The following DYRK4 variants were observed in gnomAD, a reference collection of about 807,000 sequenced individuals.
DYRK4 encodes dual specificity tyrosine-phosphorylation-regulated kinase 4.
In DYRK4, 64 loss-of-function variants were observed where a neutral mutation model predicts 68.3. The observed-to-expected ratio is 0.94, with a 90% CI of 0.77 to 1.15. The LOEUF (loss-of-function observed/expected upper bound fraction) is 1.15, where lower values mean the gene tolerates loss of function less well. Ranked by LOEUF, DYRK4 falls within the 50% of genes most tolerant of loss-of-function variation. DYRK4 has a pLI of 0.00. For missense variants in DYRK4, 740 were observed against 764.7 expected (o/e 0.97, Z 0.38); for synonymous variants, 274 against 289.9 (o/e 0.95, Z 0.56).
intron 2 of DYRK4, among the ~76,000 whole-genome samples, chr12:4,577,934 C>T (rs779887395): frequency 1.3e-5 from 2 of 152,126 alleles, no homozygotes; most frequent in Non-Finnish European, 2.9e-5. Context: ...TCCAATGGTT[C>T]ATTTCTGTAT....
intron 2 of DYRK4, among the ~76,000 whole-genome samples, chr12:4,575,298 A>ATTTTTTGTGTGTGTGTGTGTGT (rs562026104): frequency 2.8e-5 from 4 of 144,090 alleles, no homozygotes; most frequent in Admixed American, 6.8e-5. Flanking sequence ...ACAATAACTT[A>ATTTTTTGTGTGTGTGTGTGTGT]CTGTGTGTGT....
In DYRK4 at chr12:4,613,439, G is replaced by A; in HGVS notation, c.1667-76G>A. ...ACGGTCATCGTTTCCACTAAGTGAT[G>A]TACAACCTAAAGGACAATTAACATA... On this transcript the variant is annotated intron_variant, in intron 14 of 14. Transcript: ENST00000543431. This position sits in a 1 kb window ranked among gnomAD's most constrained non-coding sequence, Gnocchi z 4.0. 1 of 1,519,076 alleles carries A rather than the reference G, an allele frequency of 6.6e-7. No homozygotes were observed. Among genetic ancestry groups the A allele is most frequent in the East Asian group, 2.3e-5 (1 of 43,858 alleles). The allele number at this position is 1,519,076 out of a possible 1,614,324, so 94.1% of individuals were successfully genotyped here.
rs761636641 is a variant in DYRK4 at position 4,613,643 on chromosome 12, G to A, written c.1795G>A (p.Ala599Thr). 26 of 1,613,742 alleles carry A rather than the reference G, an allele frequency of 1.6e-5. No homozygotes were observed. The highest frequency in any genetic ancestry group is 2.2e-5 in the East Asian group (1 of 44,874). Residue 599 changes from alanine (A) to threonine (T), a missense_variant, in exon 15 of 15, where the codon GCT (alanine) becomes ACT (threonine). Coordinates refer to ENST00000543431, the MANE Select transcript of DYRK4 (RefSeq NM_001394779.1). This position sits in a 1 kb window ranked among gnomAD's most constrained non-coding sequence, Gnocchi z 4.0. ...DTVQLPQLVD[A>T]PKKSEAAVGA... Reference sequence around the variant, plus strand: ...TGTTCAGCTGCCTCAACTGGTAGACGCTCCCAAGAAGTCAGAGGCAGCTGT... The same window carrying A: ...TGTTCAGCTGCCTCAACTGGTAGACACTCCCAAGAAGTCAGAGGCAGCTGT...
intron 9 of DYRK4, 102 bp downstream of exon 9, chr12:4,599,268 G>A: frequency 2.7e-5 from 16 of 594,002 alleles, no homozygotes; most frequent in Non-Finnish European, 3.9e-5. Context: ...AATTGCCTTT[G>A]ACTTTTTTTT....
intron 12 of DYRK4, 149 bp from the exon 13 acceptor site, chr12:4,610,006 G>GTA: frequency 2.0e-6 from 1 of 507,582 alleles, no homozygotes. Context: ...CAAACTGAGT[G>GTA]TGTGTGTGTG....
At chr12:4,577,518 C>T (rs186687010) in intron 2 of DYRK4, among the ~76,000 whole-genome samples, 26 of 152,350 alleles carry the variant, frequency 1.7e-4, no homozygotes, top group Admixed American at 5.9e-4. Flanking sequence ...CAGTGCCACA[C>T]TGTCTTGATC....
rs769627068 is a variant in DYRK4, at chr12:4,599,176, A to C, written c.1044+10A>C. On this transcript the variant is annotated intron_variant, in intron 9 of 14. Coordinates refer to ENST00000543431, the MANE Select transcript of DYRK4 (RefSeq NM_001394779.1). ...CTGTGATCTCAAGCCCGTGAGTACC[A>C]TCTCCGTCCTGCCATGGACACACTC... The C allele has an allele frequency of 3.8e-5, 62 of 1,612,650 alleles. 2 individuals are homozygous for C. In the South Asian group the frequency reaches 6.6e-4, roughly 17 times the overall value.
intron 2 of DYRK4, among the ~76,000 whole-genome samples, chr12:4,586,474 G>C (rs564264170): frequency 1.3e-5 from 2 of 152,294 alleles, no homozygotes; most frequent in African/African-American, 4.8e-5. Context: ...ATACGGGAGA[G>C]CACACCCGCT....
rs766629556 is a variant in DYRK4 at position 4,612,712 on chromosome 12, A to G, written c.1660A>G (p.Arg554Gly). The G allele has an allele frequency of 6.2e-7, 1 of 1,614,184 alleles. No individual in the cohort carries two copies. Among genetic ancestry groups the G allele is most frequent in the South Asian group, 1.1e-5 (1 of 91,080 alleles). The change falls in exon 14 of 15, where the codon AGA (arginine) becomes GGA (glycine). Residue 554 changes from arginine (R) to glycine (G), a missense_variant. Physicochemically the swap from Arg to Gly is moderately radical, Grantham distance 125 (BLOSUM62 -2). Transcript: ENST00000543431. ...DKVQGCHHSS[R>G]KDEITKETTE... ...GGTTCAAGGCTGTCATCACTCGAGC[A>G]GAAAAGGTACAGCCTGTCAAATAAC... is the stretch of plus-strand genomic sequence containing the variant.
chr12:4,573,230 T>C, intron 2 of DYRK4: 2 of 1,001,086 alleles, frequency 2.0e-6, no homozygotes, highest in Non-Finnish European at 2.7e-6. Flanking sequence ...AATCAGTGGC[T>C]CAATGAAGAT....
intron 1 of DYRK4, among the ~76,000 whole-genome samples, chr12:4,564,763 T>C (rs1413146929): frequency 2.0e-5 from 3 of 152,222 alleles, no homozygotes; most frequent in Non-Finnish European, 4.4e-5. Flanking sequence ...TTCTCTTCCC[T>C]CAGCAAATTT....
chr12:4,564,323 ATC>A (rs1270145897), intron 1 of DYRK4: 1 of 151,866 alleles, frequency 6.6e-6, no homozygotes, highest in Non-Finnish European at 1.5e-5. Flanking sequence ...TCTATTATAT[ATC>A]AATTAAAAAA....
chr12:4,579,073 G>C (rs1944815482), intron 2 of DYRK4, among the ~76,000 whole-genome samples: 1 of 152,106 alleles, frequency 6.6e-6, no homozygotes, highest in African/African-American at 2.4e-5. Context: ...TGAAGAGATT[G>C]AGACCATCCT....
chr12:4,596,100 G>A (rs2137375383), intron 6 of DYRK4, 49 bp from the exon 7 acceptor site: 1 of 1,597,172 alleles, frequency 6.3e-7, no homozygotes, highest in South Asian at 1.1e-5. Flanking sequence ...TACCAGGAAG[G>A]CCTGGGAGCC....
At chr12:4,602,893 A>G (rs1945097183) in intron 10 of DYRK4, 9 of 1,003,710 alleles carry the variant, frequency 9.0e-6, no homozygotes, top group Non-Finnish European at 1.4e-5. Flanking sequence ...TTTCATTTTC[A>G]AAATAACTTT....
At chr12:4,586,729 C>CACACACACACACACACAG (rs368783190) in intron 2 of DYRK4, among the ~76,000 whole-genome samples, 76 of 112,478 alleles carry the variant, frequency 6.8e-4, no homozygotes, top group African/African-American at 2.0e-3. Flanking sequence ...CACACACACA[C>CACACACACACACACACAG]ACAGACACAC....
At chr12:4,603,798 G>T (rs547681041) in intron 10 of DYRK4, among the ~76,000 whole-genome samples, 7 of 152,228 alleles carry the variant, frequency 4.6e-5, no homozygotes, top group Non-Finnish European at 1.0e-4. Flanking sequence ...TGAAAGCTGT[G>T]TAACTTTTCA....
intron 3 of DYRK4, chr12:4,589,990 C>T: frequency 4.4e-6 from 1 of 225,834 alleles, no homozygotes; most frequent in Non-Finnish European, 8.0e-6. Flanking sequence ...TATATATTGA[C>T]TCATTTACCT....
rs759016274 is a variant in DYRK4 at position 4,593,066 on chromosome 12, G to A, written c.528G>A (p.Ala176=). The A allele has an allele frequency of 1.2e-5, 20 of 1,614,040 alleles. No individual in the cohort carries two copies. In the East Asian group the frequency reaches 2.5e-4, roughly 20 times the overall value. Residue 176 remains alanine (A), a synonymous_variant, in exon 6 of 15, where the codon GCG becomes GCA. Coordinates refer to ENST00000543431, the MANE Select transcript of DYRK4 (RefSeq NM_001394779.1). Reference sequence around the variant, plus strand: ...AACAAAGTGAAATCCTGGGCTACGCGGAGCTGTGGTTCCTGGGTCTTGAAG... The same window carrying A: ...AACAAAGTGAAATCCTGGGCTACGCAGAGCTGTGGTTCCTGGGTCTTGAAG... ...PYEQSEILGY[A]ELWFLGLEAK... is the part of the protein sequence containing the mutation.
Sources: gnomAD v4.1 joint callset for allele counts (sites outside exome capture counted in the v4.1 genomes callset) on GRCh38, gnomAD v4.1.1 for gene constraint, Gnocchi (gnomAD v3.1) non-coding constraint, MANE v1.5 for transcripts, NCBI Gene and HGNC (gene_info 2026-07-23, HGNC 2026-07-21) for gene names.